The following ROCK2 variants were observed in gnomAD, a reference collection of about 807,000 sequenced individuals.
ROCK2 encodes the protein Rho associated coiled-coil containing protein kinase 2.
ROCK2 carries 61 observed loss-of-function variants against 195.1 expected under a neutral mutation model. The ratio of observed to expected loss-of-function variants is 0.31; its 90% confidence interval spans 0.25 to 0.39. The LOEUF is 0.39. ROCK2 is among the 10% of genes least tolerant of loss of function. ROCK2 has a pLI of 1.00. For missense variants in ROCK2, 1,109 were observed against 1,637.4 expected (o/e 0.68, Z 5.57); for synonymous variants, 504 against 545.5 (o/e 0.92, Z 1.06).
chr2:11,286,056 G>T (rs1667176413), intron 3 of ROCK2, among the ~76,000 whole-genome samples: 1 of 150,398 alleles, frequency 6.6e-6, no homozygotes, highest in African/African-American at 2.4e-5. Flanking sequence ...GATGAAAACA[G>T]GAATACGAGA....
At chr2:11,216,261 G>T in intron 12 of ROCK2, 55 bp from the exon 13 acceptor site, 1 of 1,249,162 alleles carries the variant, frequency 8.0e-7, no homozygotes, top group South Asian at 1.3e-5. Context: ...ATAAAACATA[G>T]TCTATAAATT....
intron 1 of ROCK2, among the ~76,000 whole-genome samples, chr2:11,301,949 G>A (rs1186871318): frequency 1.3e-5 from 2 of 151,772 alleles, no homozygotes; most frequent in South Asian, 2.1e-4. Context: ...GGGATTACAG[G>A]CACCCACCAC....
rs775962068 is a variant in ROCK2, at chr2:11,217,080, C to T, written c.1412+10G>A. On this transcript the variant is annotated intron_variant, in intron 12 of 32. Coordinates refer to ENST00000315872, the MANE Select transcript of ROCK2 (RefSeq NM_004850.5). ...TTATAATGTAATATTTAATTATCTA[C>T]AAAACATACTTGCACTTCTGTTCCA... The T allele has an allele frequency of 7.3e-7, 1 of 1,376,622 alleles. No individual in the cohort carries two copies. Among genetic ancestry groups the T allele is most frequent in the East Asian group, 2.3e-5 (1 of 42,606 alleles). The allele number at this position is 1,376,622 out of a possible 1,614,324, so 85.3% of individuals were successfully genotyped here.
intron 1 of ROCK2, among the ~76,000 whole-genome samples, chr2:11,307,474 C>G (rs1268565404): frequency 6.6e-6 from 1 of 152,090 alleles, no homozygotes; most frequent in East Asian, 1.9e-4. Flanking sequence ...CCACCACACC[C>G]AGCTAATTTT....
rs184309145 is a variant in ROCK2, at chr2:11,203,264, T to C, written c.2550-1143A>G. ...CAAAACTAAGGAGGAATAAAGCAAG[T>C]TGGAGAACAATACAATTTGTATGAT... On this transcript the variant is annotated intron_variant, in intron 20 of 32. Transcript: ENST00000315872. 3.1e-4 allele frequency among the ~76,000 whole-genome samples: 47 copies of C among 152,212 alleles called. No homozygotes were observed. The South Asian group carries it at 5.2e-3, about 17-fold the overall frequency.
chr2:11,279,053 G>C (rs1666918085), intron 3 of ROCK2, among the ~76,000 whole-genome samples: 1 of 150,360 alleles, frequency 6.7e-6, no homozygotes, highest in Admixed American at 6.6e-5. Context: ...AGAAAGGAGA[G>C]AAAATGAAAT....
At chr2:11,308,332 T>C in intron 1 of ROCK2, 2 of 1,149,808 alleles carry the variant, frequency 1.7e-6, no homozygotes, top group South Asian at 1.2e-5. Flanking sequence ...TTCTTACATA[T>C]AATAAAGAAT....
chr2:11,270,679 T>C (rs1278842753), intron 3 of ROCK2, among the ~76,000 whole-genome samples: 1 of 152,258 alleles, frequency 6.6e-6, no homozygotes, highest in Non-Finnish European at 1.5e-5. Flanking sequence ...AAAGTGTTTT[T>C]GATCTCTAGA....
intron 4 of ROCK2, among the ~76,000 whole-genome samples, chr2:11,236,680 C>T (rs186541946): frequency 1.1e-4 from 16 of 152,162 alleles, no homozygotes; most frequent in South Asian, 2.1e-4. Context: ...TATGTCACAC[C>T]CCTCCCAGAA....
intron 1 of ROCK2, among the ~76,000 whole-genome samples, chr2:11,299,761 C>T (rs1008468646): frequency 9.9e-5 from 15 of 152,180 alleles, no homozygotes; most frequent in African/African-American, 3.1e-4. Context: ...CTATGCAGAA[C>T]GAGTAGCCAA....
At chr2:11,268,866 T>C (rs62121453) in intron 3 of ROCK2, among the ~76,000 whole-genome samples, 5,391 of 152,282 alleles carry the variant, frequency 0.035, 149 homozygotes, top group Non-Finnish European at 0.054. Context: ...TTTGTCTCTT[T>C]CTTCTTCTGT....
At chr2:11,334,157 G>C (rs1284458522) in intron 1 of ROCK2, among the ~76,000 whole-genome samples, 1 of 152,008 alleles carries the variant, frequency 6.6e-6, no homozygotes, top group Non-Finnish European at 1.5e-5. Context: ...TGTTTATCTG[G>C]GAAGTATTTT....
Position 11,192,256 on chromosome 2 carries a change from G to A in ROCK2, c.4055C>T (p.Pro1352Leu). ...TCGGGCAAAAGGGTCTGGAGCTGGGGGCTTTTTAGGTATCTTTTTCACCAA... is the reference window on the plus strand; with the variant it reads ...TCGGGCAAAAGGGTCTGGAGCTGGGAGCTTTTTAGGTATCTTTTTCACCAA... ...SRLVKKIPKK[P>L]PAPDPFARSS... The change falls in exon 32 of 33, where the codon CCC (proline) becomes CTC (leucine). Residue 1352 changes from proline to leucine, a missense_variant. Coordinates refer to ENST00000315872, the MANE Select transcript of ROCK2 (RefSeq NM_004850.5). The surrounding 1 kb of genome is among the most constrained non-coding windows in gnomAD (Gnocchi z 5.0). 6.2e-7 allele frequency: 1 copy of A among 1,613,766 alleles called. No homozygotes were observed. The highest frequency in any genetic ancestry group is 8.5e-7 in the Non-Finnish European group (1 of 1,179,890).
chr2:11,253,143 C>T (rs556827213), intron 3 of ROCK2, among the ~76,000 whole-genome samples: 1 of 152,022 alleles, frequency 6.6e-6, no homozygotes, highest in African/African-American at 2.4e-5. Flanking sequence ...TTTTGTACAA[C>T]AAATTATATA....
rs564806000 is a variant in ROCK2, at chr2:11,298,632, A to T, written c.142-10896T>A. The stretch of plus-strand genomic sequence containing the variant: ...GGAAACTCATCCTCAAGTCTGCTAC[A>T]TTTCAATGAAAACTTTTTATTACAG... On this transcript the variant is annotated intron_variant, in intron 1 of 32. Coordinates refer to ENST00000315872, the MANE Select transcript of ROCK2 (RefSeq NM_004850.5). Among the ~76,000 whole-genome samples the T allele has an allele frequency of 7.9e-5, 12 of 152,304 alleles. No homozygotes were observed. In the South Asian group the frequency reaches 2.5e-3, roughly 32 times the overall value.
chr2:11,271,159 G>C (rs957824758), intron 3 of ROCK2, among the ~76,000 whole-genome samples: 1 of 152,294 alleles, frequency 6.6e-6, no homozygotes, highest in East Asian at 1.9e-4. Flanking sequence ...TTATGCTCTG[G>C]TTACATCTGG....
chr2:11,240,515 A>G (rs970793321), intron 4 of ROCK2, among the ~76,000 whole-genome samples: 3 of 152,254 alleles, frequency 2.0e-5, no homozygotes, highest in Non-Finnish European at 4.4e-5. Context: ...ACCAGATGTA[A>G]AAGATAACAT....
At chr2:11,335,455 T>C (rs959662249) in intron 1 of ROCK2, among the ~76,000 whole-genome samples, 12 of 152,198 alleles carry the variant, frequency 7.9e-5, no homozygotes, top group African/African-American at 2.9e-4. Flanking sequence ...TGTTCTTTTA[T>C]TATTTTTAAA....
chr2:11,193,990 T>C lies in ROCK2; in HGVS notation c.3609-133A>G, dbSNP rs1663532174. ...GTTAGGAACTCAGAATATTTTGTTC[T>C]ATTAATTCTATAATTAATTAAGATT... is the stretch of plus-strand genomic sequence containing the variant. On this transcript the variant is annotated intron_variant, in intron 29 of 32. Transcript: ENST00000315872. The C allele has an allele frequency of 2.2e-5, 10 of 457,122 alleles. No individual in the cohort carries two copies. The East Asian group carries it at 3.4e-4, about 16-fold the overall frequency. 28.3% of individuals were successfully genotyped at this position (457,122 alleles called of 1,614,324 possible). A position where few individuals can be genotyped will look rare whatever the true frequency, so the allele number is the denominator to read the frequency against.
Sources: gnomAD v4.1 joint callset for allele counts (sites outside exome capture counted in the v4.1 genomes callset) on GRCh38, gnomAD v4.1.1 for gene constraint, Gnocchi (gnomAD v3.1) non-coding constraint, MANE v1.5 for transcripts, NCBI Gene and HGNC (gene_info 2026-07-23, HGNC 2026-07-21) for gene names.